Variants in TC2N observed in about 807,000 individuals in gnomAD.
The protein encoded by TC2N is tandem C2 domains, nuclear, also known as tandem C2 domains nuclear protein.
A neutral mutation model predicts 61.9 loss-of-function variants in TC2N; 51 were observed. That is an observed-to-expected ratio of 0.82 (90% CI 0.66 to 1.04). The LOEUF (loss-of-function observed/expected upper bound fraction) is 1.04, where lower values mean the gene tolerates loss of function less well. TC2N is among the 50% of genes least tolerant of loss of function. The probability of loss-of-function intolerance (pLI) is 0.00; values close to 1 mark genes in which losing one functional copy is unlikely to be tolerated. For missense variants in TC2N, 556 were observed against 566.7 expected (o/e 0.98, Z 0.19); for synonymous variants, 204 against 192.6 (o/e 1.06, Z -0.49).
chr14:91,805,445 G>C (rs1029045442), intron 3 of TC2N, among the ~76,000 whole-genome samples: 2 of 152,222 alleles, frequency 1.3e-5, no homozygotes, highest in Non-Finnish European at 2.9e-5. Context: ...GAGGTGGGCA[G>C]ATCACGAGGT....
chr14:91,783,627 A>G lies in TC2N; in HGVS notation c.1363-417T>C, dbSNP rs771800799. 5.8e-4 allele frequency among the ~76,000 whole-genome samples: 88 copies of G among 152,230 alleles called. 1 individual carries two copies. The Middle Eastern group carries it at 0.014, about 24-fold the overall frequency. ...GATTGGTAAGGAATGTGCATTTTAA[A>G]TCACCTTTTACAAGAAATAAAGTGT... On this transcript the variant is annotated intron_variant, in intron 11 of 11. Coordinates refer to ENST00000435962, the MANE Select transcript of TC2N (RefSeq NM_001128596.3).
chr14:91,831,244 A>G (rs1329577050), intron 1 of TC2N, among the ~76,000 whole-genome samples: 11 of 152,250 alleles, frequency 7.2e-5, no homozygotes, highest in Admixed American at 7.2e-4. Flanking sequence ...TGCAAATCCT[A>G]TATTTATTTT....
At chr14:91,834,575 C>A (rs564439578) in intron 1 of TC2N, among the ~76,000 whole-genome samples, 3 of 152,184 alleles carry the variant, frequency 2.0e-5, no homozygotes, top group Admixed American at 1.3e-4. Flanking sequence ...AGTGCAGAAT[C>A]ACTATTCTCT....
At chr14:91,859,235 G>C (rs934832080) in intron 1 of TC2N, among the ~76,000 whole-genome samples, 6 of 151,974 alleles carry the variant, frequency 3.9e-5, no homozygotes, top group African/African-American at 1.5e-4. Flanking sequence ...TGTTTTATTT[G>C]TCCAGCTGTG....
At chr14:91,795,841 T>C (rs544863390) in intron 8 of TC2N, among the ~76,000 whole-genome samples, 115 of 152,178 alleles carry the variant, frequency 7.6e-4, no homozygotes, top group African/African-American at 2.7e-3. Context: ...AGAACTGTCT[T>C]TCTGAGGGTC....
intron 1 of TC2N, among the ~76,000 whole-genome samples, chr14:91,836,839 A>C (rs1041804334): frequency 1.3e-5 from 2 of 152,114 alleles, no homozygotes; most frequent in African/African-American, 2.4e-5. Flanking sequence ...AGGGGAAGCT[A>C]TTGGCCTGAG....
chr14:91,831,711 G>T (rs1177190747), intron 1 of TC2N, among the ~76,000 whole-genome samples: 28 of 152,146 alleles, frequency 1.8e-4, no homozygotes, highest in Non-Finnish European at 7.4e-5. Context: ...ACAAAAATCA[G>T]TTCTACATGG....
At chr14:91,816,366 CTTA>C (rs1887001431) in intron 1 of TC2N, among the ~76,000 whole-genome samples, 1 of 151,760 alleles carries the variant, frequency 6.6e-6, no homozygotes, top group Non-Finnish European at 1.5e-5. Flanking sequence ...TTATATCTCT[CTTA>C]TTATAAGTGA....
chr14:91,785,181 C>A lies in TC2N; in HGVS notation c.1343G>T (p.Arg448Ile). Residue 448 changes from arginine to isoleucine, a missense_variant, in exon 11 of 12, where the codon AGA (arginine) becomes ATA (isoleucine). Transcript: ENST00000435962. ...IKLYSRSSVR[R>I]KHFVGQIWIS... ...ACTAACCTGGCCCACAAAGTGTTTT[C>A]TTCTTACAGAGCTTCGACTGTAAAG... is the stretch of plus-strand genomic sequence containing the variant. 6.2e-7 allele frequency: 1 copy of A among 1,613,028 alleles called. No homozygotes were observed. The highest frequency in any genetic ancestry group is 8.5e-7 in the Non-Finnish European group (1 of 1,179,420).
At chr14:91,802,869 C>T (rs571317625) in intron 3 of TC2N, among the ~76,000 whole-genome samples, 2 of 150,210 alleles carry the variant, frequency 1.3e-5, no homozygotes, top group South Asian at 4.3e-4. Context: ...CGTTTTCTTA[C>T]TACAATGCAA....
In TC2N at chr14:91,812,341, TC is replaced by T. The variant is rs1483438860; in HGVS notation, c.271del (p.Glu91LysfsTer22). 1.2e-6 allele frequency: 2 copies of T among 1,605,708 alleles called. No individual in the cohort carries two copies. Among genetic ancestry groups the T allele is most frequent in the Middle Eastern group, 1.7e-4 (1 of 6,040 alleles). On this transcript the variant is annotated frameshift_variant, in exon 3 of 12. Coordinates refer to ENST00000435962, the MANE Select transcript of TC2N (RefSeq NM_001128596.3). LOFTEE classifies it high-confidence loss of function. ...KLSYIQPRTQ[E>X]TPSHLEELEG... ...AAGTTCTTCCAGATGTGAAGGAGTT[TC>T]TTGTGTCCTGGGTTGAATGTAAGAT... is the stretch of plus-strand genomic sequence containing the variant.
At chr14:91,795,797 C>G (rs1008475028) in intron 8 of TC2N, among the ~76,000 whole-genome samples, 1 of 151,994 alleles carries the variant, frequency 6.6e-6, no homozygotes, top group Non-Finnish European at 1.5e-5. Context: ...AACTGTTACT[C>G]TTGTTGTAAT....
intron 1 of TC2N, among the ~76,000 whole-genome samples, chr14:91,831,581 CTTGATCTATGAT>C (rs1887773196): frequency 6.6e-6 from 1 of 152,060 alleles, no homozygotes; most frequent in Non-Finnish European, 1.5e-5. Context: ...TGTATGGAAA[CTTGATCTATGAT>C]ACTTGTAGAT....
intron 1 of TC2N, among the ~76,000 whole-genome samples, chr14:91,814,560 A>G (rs528287613): frequency 1.3e-5 from 2 of 151,526 alleles, no homozygotes; most frequent in Admixed American, 1.3e-4. Context: ...AAAAAGAAGG[A>G]TGGAGAAAGA....
chr14:91,804,981 G>T (rs1181235883), intron 3 of TC2N, among the ~76,000 whole-genome samples: 1 of 152,128 alleles, frequency 6.6e-6, no homozygotes, highest in Non-Finnish European at 1.5e-5. Flanking sequence ...GAAAATATAG[G>T]TCAAATTCCT....
In TC2N at chr14:91,787,493, T is replaced by G; in HGVS notation, c.1162+20A>C. 2 of 1,452,042 alleles carry G rather than the reference T, an allele frequency of 1.4e-6. No individual in the cohort carries two copies. The highest frequency in any genetic ancestry group is 1.9e-6 in the Non-Finnish European group (2 of 1,050,366). 89.9% of individuals were successfully genotyped at this position (1,452,042 alleles called of 1,614,324 possible). The stretch of plus-strand genomic sequence containing the variant: ...CTAATACTTTCTGAAGATTCTACTT[T>G]GAACCACTGATATACTTACTCAAAG... On this transcript the variant is annotated intron_variant, in intron 10 of 11. Transcript: ENST00000435962.
At position 91,859,968 on chromosome 14, in the gene TC2N, A is replaced by C. The variant is rs116451435; in HGVS notation, c.-57+7294T>G. 7.8e-3 allele frequency among the ~76,000 whole-genome samples: 1,192 copies of C among 152,308 alleles called. 21 individuals carry two copies. The highest frequency in any genetic ancestry group is 0.027 in the African/African-American group (1,138 of 41,560). ...CAGCAGGCAGGAACCAGATCACGGA[A>C]GGTTTTGTCAATCCTATTCAGGAGT... On this transcript the variant is annotated intron_variant, in intron 1 of 11. Coordinates refer to ENST00000435962, the MANE Select transcript of TC2N (RefSeq NM_001128596.3).
At chr14:91,842,262 G>A (rs1309039477) in intron 1 of TC2N, among the ~76,000 whole-genome samples, 1 of 152,034 alleles carries the variant, frequency 6.6e-6, no homozygotes, top group Non-Finnish European at 1.5e-5. Context: ...TGAGATTACA[G>A]GCATGAGCCT....
At position 91,802,256 on chromosome 14, in the gene TC2N, G is replaced by A. The variant is rs377688531; in HGVS notation, c.467C>T (p.Ser156Leu). Residue 156 changes from serine (S) to leucine (L), a missense_variant and splice_region_variant, in exon 4 of 12, where the codon TCG becomes TTG. Ser to Leu is a moderately radical substitution (Grantham distance 145). Transcript: ENST00000435962. ...AAAAGCACAAAAGATCTTCATACCC[G>A]ATCCATACAGTCTCTTCACTTCTGA... The part of the protein sequence containing the change: ...PRSEVKRLYG[S>L]VCDLRTNKLP... The A allele has an allele frequency of 3.1e-5, 48 of 1,551,272 alleles. 1 individual carries two copies. Among genetic ancestry groups the A allele is most frequent in the Non-Finnish European group, 3.5e-5 (41 of 1,156,154 alleles).
Sources: gnomAD v4.1 joint callset for allele counts (sites outside exome capture counted in the v4.1 genomes callset) on GRCh38, gnomAD v4.1.1 for gene constraint, MANE v1.5 for transcripts, NCBI Gene and HGNC (gene_info 2026-07-23, HGNC 2026-07-21) for gene names.